Variants in TF observed in about 807,000 individuals in gnomAD.
TF encodes the protein transferrin.
A neutral mutation model predicts 82.4 loss-of-function variants in TF; 55 were observed. The ratio of observed to expected loss-of-function variants is 0.67; its 90% CI spans 0.54 to 0.84. TF has a LOEUF of 0.84. Among genes scored for constraint, TF ranks in the 40% least tolerant of loss-of-function variants. The pLI is 0.00. For synonymous variants in TF, 332 were observed against 332.6 expected (o/e 1.00, Z 0.02); for missense variants, 737 against 868.4 (o/e 0.85, Z 1.90).
the TF span, among the ~76,000 whole-genome samples, chr3:133,684,132 TA>T: frequency 6.6e-6 from 1 of 152,124 alleles, no homozygotes; most frequent in African/African-American, 2.4e-5. Context: ...AAGGCAGAAA[TA>T]AAGATGTTCT....
chr3:133,714,543 C>A, the TF span, among the ~76,000 whole-genome samples: 1 of 152,160 alleles, frequency 6.6e-6, no homozygotes, highest in Non-Finnish European at 1.5e-5. Flanking sequence ...TCAGAAGGTG[C>A]ATTGGTGTTA....
chr3:133,697,671 G>A, the TF span, among the ~76,000 whole-genome samples: 2 of 152,226 alleles, frequency 1.3e-5, no homozygotes, highest in Admixed American at 6.5e-5. Context: ...TGGCCAAGGT[G>A]GAAAAGTGAT....
the TF span, among the ~76,000 whole-genome samples, chr3:133,687,436 A>G: frequency 6.6e-6 from 1 of 152,302 alleles, no homozygotes; most frequent in Non-Finnish European, 1.5e-5. Flanking sequence ...TGAGATTCAC[A>G]TAACACAATT....
chr3:133,703,082 G>GT, the TF span, among the ~76,000 whole-genome samples: 1 of 152,122 alleles, frequency 6.6e-6, no homozygotes, highest in East Asian at 1.9e-4. Flanking sequence ...CATTTAACCA[G>GT]TTTCTCAGTG....
chr3:133,732,586 A>G, the TF span, among the ~76,000 whole-genome samples: 3 of 152,186 alleles, frequency 2.0e-5, no homozygotes, highest in South Asian at 2.1e-4. Context: ...GCTGCTGCGC[A>G]CTGTTTGGGT....
the TF span, among the ~76,000 whole-genome samples, chr3:133,728,137 G>C: frequency 2.0e-5 from 3 of 152,250 alleles, no homozygotes; most frequent in South Asian, 2.1e-4. Flanking sequence ...GTGTCTTGGA[G>C]TTGTTCTTCT....
At chr3:133,699,534 C>G in the TF span, 9 of 960,952 alleles carry the variant, frequency 9.4e-6, no homozygotes, top group Admixed American at 1.7e-4. Flanking sequence ...CAAGGACTGC[C>G]ATTTGGCCTG....
At chr3:133,734,498 T>C in the TF span, among the ~76,000 whole-genome samples, 9 of 152,232 alleles carry the variant, frequency 5.9e-5, no homozygotes, top group African/African-American at 1.9e-4. Context: ...CTGAACTAGA[T>C]AATGTCAGTA....
the TF span, among the ~76,000 whole-genome samples, chr3:133,670,809 A>C: frequency 6.6e-6 from 1 of 152,248 alleles, no homozygotes; most frequent in Admixed American, 6.5e-5. Context: ...ATGTATGAGT[A>C]AGTGAAGGGA....
intron 9 of TF, chr3:133,762,298 T>C: frequency 5.7e-6 from 1 of 174,128 alleles, no homozygotes; most frequent in Admixed American, 5.5e-5. Flanking sequence ...AGAACTAACT[T>C]GAAAGAAAGG....
intron 1 of TF, 100 bp from the exon 2 acceptor site, chr3:133,748,312 G>A: frequency 3.6e-6 from 5 of 1,400,498 alleles, no homozygotes; most frequent in Admixed American, 1.8e-5. Flanking sequence ...GAGGAGGACA[G>A]GACTGAGGGG....
the TF span, among the ~76,000 whole-genome samples, chr3:133,680,234 C>G: frequency 6.6e-6 from 1 of 151,272 alleles, no homozygotes; most frequent in Non-Finnish European, 1.5e-5. Flanking sequence ...GTTATAGGTT[C>G]TCCCTCTGTT....
intron 9 of TF, 133 bp from the exon 10 acceptor site, chr3:133,764,049 G>A: frequency 4.0e-6 from 3 of 759,000 alleles, no homozygotes; most frequent in Non-Finnish European, 7.1e-6. Flanking sequence ...ATCTTTTGGG[G>A]GTTCAGTATC....
intron 13 of TF, among the ~76,000 whole-genome samples, chr3:133,768,404 G>A (rs886089469): frequency 1.3e-5 from 2 of 152,146 alleles, no homozygotes; most frequent in South Asian, 2.1e-4. Context: ...AGTTGTCAAC[G>A]GGTGATTTGA....
chr3:133,746,601 G>C, intron 1 of TF, 118 bp downstream of exon 1: 1 of 1,237,496 alleles, frequency 8.1e-7, no homozygotes, highest in South Asian at 1.3e-5. Flanking sequence ...CTGGGTGTCT[G>C]GGTGCCTTTC....
At chr3:133,724,101 T>G in the TF span, among the ~76,000 whole-genome samples, 1 of 152,214 alleles carries the variant, frequency 6.6e-6, no homozygotes, top group African/African-American at 2.4e-5. Context: ...TTGTAAATAG[T>G]GCCGCAATAA....
In TF at chr3:133,789,970, T is replaced by G. The variant is rs946831255; in HGVS notation, c.*11350T>G. ...TGGGTTACTGGCAAAAATACGTATG[T>G]ATTAACTTTGAGGCTCTTACTTAGG... On this transcript the variant is annotated 3_prime_UTR_variant, in exon 17 of 17. Coordinates refer to ENST00000402696, the MANE Select transcript of TF (RefSeq NM_001063.4). The G allele has an allele frequency of 9.3e-5, 14 of 150,140 alleles. No individual in the cohort carries two copies. The highest frequency in any genetic ancestry group is 3.4e-4 in the African/African-American group (14 of 40,746). The allele number at this position is 150,140 out of a possible 1,614,324, so 9.3% of individuals were successfully genotyped here. A position where few individuals can be genotyped will look rare whatever the true frequency, so the allele number is the denominator to read the frequency against.
intron 11 of TF, among the ~76,000 whole-genome samples, chr3:133,765,830 T>C (rs1295128155): frequency 6.6e-6 from 1 of 152,378 alleles, no homozygotes; most frequent in South Asian, 2.1e-4. Context: ...TATTTTGGTA[T>C]AAAACTATAT....
the TF span, among the ~76,000 whole-genome samples, chr3:133,711,039 G>A: frequency 6.6e-6 from 1 of 152,092 alleles, no homozygotes; most frequent in Non-Finnish European, 1.5e-5. Context: ...TCCTCATTTC[G>A]CCCTAAAATA....
Sources: allele counts gnomAD v4.1 joint callset (sites outside exome capture counted in the v4.1 genomes callset), GRCh38; gene constraint gnomAD v4.1.1; transcripts MANE v1.5; gene names NCBI Gene and HGNC (gene_info 2026-07-23, HGNC 2026-07-21).